Variants in EFCAB13 observed in about 807,000 individuals in gnomAD.
EFCAB13 encodes the protein EF-hand calcium-binding domain-containing protein 13.
Under a neutral mutation model 110.2 loss-of-function variants are expected in EFCAB13, and 91 were observed. The observed-to-expected ratio is 0.83, with a 90% confidence interval of 0.70 to 0.98. The LOEUF (loss-of-function observed/expected upper bound fraction) is 0.98. EFCAB13 is among the 50% of genes least tolerant of loss of function. The pLI is 0.00. For synonymous variants in EFCAB13, 323 were observed against 369.9 expected (o/e 0.87, Z 1.45); for missense variants, 968 against 1,119.4 (o/e 0.86, Z 1.93).
intron 15 of EFCAB13, among the ~76,000 whole-genome samples, 161 bp from the exon 16 acceptor site, chr17:47,393,864 T>G (rs955473581): frequency 7.2e-5 from 11 of 151,794 alleles, no homozygotes; most frequent in Admixed American, 7.2e-4. Flanking sequence ...TACTGTAAAT[T>G]GATTTGCTTT....
chr17:47,335,998 A>T (rs2065347603), intron 5 of EFCAB13, among the ~76,000 whole-genome samples: 1 of 152,204 alleles, frequency 6.6e-6, no homozygotes, highest in Non-Finnish European at 1.5e-5. Context: ...GAATCATAGG[A>T]TTCTAGTTAG....
At chr17:47,415,008 C>G in intron 23 of EFCAB13, 89 bp downstream of exon 23, 1 of 937,512 alleles carries the variant, frequency 1.1e-6, no homozygotes. Flanking sequence ...CAGTGATAGA[C>G]TGGATTAAGA....
At chr17:47,336,773 A>G (rs973070983) in intron 5 of EFCAB13, among the ~76,000 whole-genome samples, 1 of 152,022 alleles carries the variant, frequency 6.6e-6, no homozygotes, top group Non-Finnish European at 1.5e-5. Context: ...TCTTTCTTGT[A>G]TACTGCATTG....
intron 4 of EFCAB13, among the ~76,000 whole-genome samples, chr17:47,334,847 C>T (rs1285105455): frequency 1.3e-5 from 2 of 152,044 alleles, no homozygotes; most frequent in African/African-American, 4.8e-5. Flanking sequence ...CCTGGGAGGT[C>T]AAGGCTGCAG....
chr17:47,401,373 A>G (rs1175674130), intron 17 of EFCAB13, among the ~76,000 whole-genome samples: 3 of 152,182 alleles, frequency 2.0e-5, no homozygotes, highest in Non-Finnish European at 4.4e-5. Flanking sequence ...TGTGTTCATC[A>G]CTTTAACTTT....
chr17:47,380,880 C>CTTTTTT (rs751480738), intron 14 of EFCAB13, among the ~76,000 whole-genome samples: 61 of 122,892 alleles, frequency 5.0e-4, no homozygotes, highest in East Asian at 7.3e-4. Context: ...ATTGCTTCTT[C>CTTTTTT]TTTTTTTTTT....
intron 16 of EFCAB13, among the ~76,000 whole-genome samples, chr17:47,395,603 G>T (rs2065732747): frequency 6.6e-6 from 1 of 152,022 alleles, no homozygotes; most frequent in South Asian, 2.1e-4. Flanking sequence ...TTTATTCAGG[G>T]TTGGGGCACT....
chr17:47,371,516 G>A (rs2065584692), intron 11 of EFCAB13, among the ~76,000 whole-genome samples: 1 of 152,114 alleles, frequency 6.6e-6, no homozygotes, highest in Admixed American at 6.5e-5. Context: ...TGACTGCTTT[G>A]TTGGCTTTGT....
At chr17:47,418,222 C>T (rs897543717) in intron 23 of EFCAB13, among the ~76,000 whole-genome samples, 1 of 152,130 alleles carries the variant, frequency 6.6e-6, no homozygotes, top group African/African-American at 2.4e-5. Context: ...TGATTTTAAA[C>T]CTAACAGCAT....
intron 24 of EFCAB13, among the ~76,000 whole-genome samples, chr17:47,435,726 C>T (rs201758974): frequency 0.023 from 3,237 of 138,472 alleles, 111 homozygotes; most frequent in East Asian, 0.19. Context: ...AAACAATCAT[C>T]ATCTGCAAAT....
At chr17:47,350,289 C>T (rs546608034) in intron 9 of EFCAB13, among the ~76,000 whole-genome samples, 10 of 152,142 alleles carry the variant, frequency 6.6e-5, no homozygotes, top group African/African-American at 2.4e-4. Flanking sequence ...TTATACTGCC[C>T]CAATATTCAA....
chr17:47,360,216 G>A (rs1256839896), intron 9 of EFCAB13, among the ~76,000 whole-genome samples: 1 of 152,134 alleles, frequency 6.6e-6, no homozygotes, highest in Non-Finnish European at 1.5e-5. Flanking sequence ...CTTCCACAAT[G>A]ATTGAACTAG....
intron 10 of EFCAB13, among the ~76,000 whole-genome samples, chr17:47,364,690 C>G (rs935909771): frequency 7.9e-5 from 12 of 152,210 alleles, no homozygotes; most frequent in Non-Finnish European, 1.6e-4. Context: ...CCTGTCCACT[C>G]TTATGTTCCT....
chr17:47,336,891 A>T (rs1216079481), intron 5 of EFCAB13, among the ~76,000 whole-genome samples: 1 of 152,170 alleles, frequency 6.6e-6, no homozygotes, highest in African/African-American at 2.4e-5. Flanking sequence ...ATAAAAAAAA[A>T]TCTAAAAGCC....
chr17:47,409,715 G>GA (rs1392811112), intron 21 of EFCAB13, 24 bp downstream of exon 21: 8 of 1,554,614 alleles, frequency 5.1e-6, no homozygotes, highest in Non-Finnish European at 7.1e-6. Flanking sequence ...TTGTATATGA[G>GA]AAAATTTTCA....
intron 23 of EFCAB13, chr17:47,423,341 T>TA (rs967950175): frequency 6.5e-6 from 1 of 153,672 alleles, no homozygotes; most frequent in Non-Finnish European, 1.4e-5. Context: ...ATATTTCAGA[T>TA]AAAAAAATTT....
chr17:47,404,493 T>C, intron 19 of EFCAB13, 69 bp from the exon 20 acceptor site: 1 of 1,187,822 alleles, frequency 8.4e-7, no homozygotes, highest in Non-Finnish European at 1.2e-6. Context: ...TATGCTGATT[T>C]TGATACTAGC....
chr17:47,362,921 G>A (rs1208472567), intron 10 of EFCAB13, among the ~76,000 whole-genome samples: 1 of 151,994 alleles, frequency 6.6e-6, no homozygotes. Context: ...GGCATTCGGG[G>A]CCACTACCAG....
chr17:47,359,880 G>A (rs867449952), intron 9 of EFCAB13, among the ~76,000 whole-genome samples: 1,773 of 146,168 alleles, frequency 0.012, 23 homozygotes, highest in Middle Eastern at 0.021. Context: ...GCGGTGTTTG[G>A]TTTTTTGTCC....
Sources: gnomAD v4.1 joint callset for allele counts (sites outside exome capture counted in the v4.1 genomes callset) on GRCh38, gnomAD v4.1.1 for gene constraint, MANE v1.5 for transcripts, NCBI Gene and HGNC (gene_info 2026-07-23, HGNC 2026-07-21) for gene names.